The following SLC4A8 variants were observed in gnomAD, a reference collection of about 807,000 sequenced individuals.
SLC4A8 encodes solute carrier family 4 member 8.
A neutral mutation model predicts 125.0 loss-of-function variants in SLC4A8; 40 were observed. The observed-to-expected ratio is 0.32, with a 90% CI of 0.25 to 0.42. SLC4A8 has a LOEUF of 0.42. SLC4A8 is among the 10% of genes least tolerant of loss of function. SLC4A8 has a pLI of 1.00. For missense variants in SLC4A8, 863 were observed against 1,355.1 expected (o/e 0.64, Z 5.70); for synonymous variants, 456 against 476.0 (o/e 0.96, Z 0.55).
At chr12:51,431,229 A>AT (rs1739131499) in intron 1 of SLC4A8, among the ~76,000 whole-genome samples, 1 of 152,122 alleles carries the variant, frequency 6.6e-6, no homozygotes, top group Non-Finnish European at 1.5e-5. Flanking sequence ...GATCCTTGTT[A>AT]TTACACTGAG....
chr12:51,505,572 C>CT (rs1938131468), intron 23 of SLC4A8, among the ~76,000 whole-genome samples: 1 of 152,202 alleles, frequency 6.6e-6, no homozygotes, highest in African/African-American at 2.4e-5. Flanking sequence ...CGGAGGAGTG[C>CT]ACAGTTGTGG....
chr12:51,496,874 G>A lies in SLC4A8; in HGVS notation c.2944-113G>A. 4 of 971,948 alleles carry A rather than the reference G, an allele frequency of 4.1e-6. No homozygotes were observed. In the South Asian group the frequency reaches 4.7e-5, roughly 12 times the overall value. The allele number at this position is 971,948 out of a possible 1,614,324, so 60.2% of individuals were successfully genotyped here. ...AAATGGTGACTGTTAGGATTATTAT[G>A]AGTTTGATTTTGCTTGAAATGTCCT... is the stretch of plus-strand genomic sequence containing the variant. On this transcript the variant is annotated intron_variant, in intron 21 of 24. Transcript: ENST00000453097.
intron 19 of SLC4A8, among the ~76,000 whole-genome samples, chr12:51,493,450 G>A (rs1013859631): frequency 6.6e-6 from 1 of 152,072 alleles, no homozygotes. Flanking sequence ...GGAGGAGGAA[G>A]AGCCAGATGG....
Position 51,514,539 on chromosome 12 carries a change from C to T in SLC4A8, c.*7101C>T, listed in dbSNP as rs1398246204. 2 of 152,170 alleles carry T rather than the reference C, an allele frequency of 1.3e-5. No homozygotes were observed. Among genetic ancestry groups the T allele is most frequent in the Non-Finnish European group, 2.9e-5 (2 of 68,028 alleles). The allele number at this position is 152,170 out of a possible 1,614,324, so 9.4% of individuals were successfully genotyped here. ...GTGCTGAGAATGGTGAGGAGTTGGA[C>T]AGTCCCGGGGCTTTTTTGAAAGGGG... On this transcript the variant is annotated 3_prime_UTR_variant, in exon 25 of 25. Coordinates refer to ENST00000453097, the MANE Select transcript of SLC4A8 (RefSeq NM_001039960.3).
chr12:51,424,057 AAAAAACAAC>A (rs1172310936), upstream of SLC4A8, among the ~76,000 whole-genome samples: 1 of 58,744 alleles, frequency 1.7e-5, no homozygotes, highest in African/African-American at 5.5e-5. Flanking sequence ...AAAAAAACAA[AAAAAACAAC>A]AAAAAAAAAA....
chr12:51,468,311 G>C (rs997654309), intron 11 of SLC4A8, among the ~76,000 whole-genome samples: 10 of 152,162 alleles, frequency 6.6e-5, no homozygotes, highest in African/African-American at 2.4e-4. Context: ...CTCCTGATTA[G>C]CTCTTGAATC....
At chr12:51,406,200 C>A (rs1948484330) in intron 1 of SLC4A8, among the ~76,000 whole-genome samples, 1 of 152,220 alleles carries the variant, frequency 6.6e-6, no homozygotes, top group African/African-American at 2.4e-5. Flanking sequence ...GCTAGTCTTT[C>A]ACTCTCAGGA....
chr12:51,503,839 A>G (rs563189521), intron 22 of SLC4A8, among the ~76,000 whole-genome samples, 190 bp from the exon 23 acceptor site: 1 of 152,260 alleles, frequency 6.6e-6, no homozygotes, highest in Non-Finnish European at 1.5e-5. Flanking sequence ...TCTTTTTTGA[A>G]TGCCATTCCA....
chr12:51,396,778 G>C (rs1458865084), intron 1 of SLC4A8, among the ~76,000 whole-genome samples: 5 of 151,616 alleles, frequency 3.3e-5, no homozygotes, highest in African/African-American at 1.2e-4. Flanking sequence ...TGTATTTTTT[G>C]AATGGTTATT....
chr12:51,493,845 C>T, intron 20 of SLC4A8, 73 bp downstream of exon 20: 1 of 940,002 alleles, frequency 1.1e-6, no homozygotes, highest in Middle Eastern at 2.1e-4. Context: ...AGGGACAGCT[C>T]CCCAAGAGAA....
rs182530945 is a variant in SLC4A8, at chr12:51,427,961, T to G, written c.48+2926T>G. On this transcript the variant is annotated intron_variant, in intron 1 of 24. Coordinates refer to ENST00000453097, the MANE Select transcript of SLC4A8 (RefSeq NM_001039960.3). ...CTTTTAGAATAAAATCCAAACTCTT[T>G]ATCATGGCCTACCAAGCCTGAATAC... 2.0e-5 allele frequency among the ~76,000 whole-genome samples: 3 copies of G among 152,300 alleles called. No homozygotes were observed. In the East Asian group the frequency reaches 5.8e-4, roughly 29 times the overall value.
intron 17 of SLC4A8, among the ~76,000 whole-genome samples, chr12:51,486,787 C>T (rs994692449): frequency 3.9e-5 from 6 of 152,150 alleles, no homozygotes; most frequent in African/African-American, 1.2e-4. Flanking sequence ...TTCTCTCTAC[C>T]CATGAAGTAG....
intron 1 of SLC4A8, among the ~76,000 whole-genome samples, chr12:51,400,908 A>C (rs1008984423): frequency 1.3e-5 from 2 of 148,686 alleles, no homozygotes; most frequent in Admixed American, 6.7e-5. Flanking sequence ...ACAGGGTCTC[A>C]CTCTGTTGCC....
chr12:51,397,963 G>A (rs369381724), intron 1 of SLC4A8, among the ~76,000 whole-genome samples: 8 of 152,202 alleles, frequency 5.3e-5, no homozygotes, highest in African/African-American at 1.7e-4. Context: ...AGCTACTCGG[G>A]AGGAGGCTGA....
intron 1 of SLC4A8, among the ~76,000 whole-genome samples, chr12:51,402,543 G>A (rs1414724054): frequency 6.6e-6 from 1 of 152,108 alleles, no homozygotes; most frequent in African/African-American, 2.4e-5. Context: ...CCAACATGGT[G>A]AAACCCCGTC....
chr12:51,492,832 C>G (rs1232296896), intron 19 of SLC4A8, among the ~76,000 whole-genome samples: 1 of 151,830 alleles, frequency 6.6e-6, no homozygotes, highest in Non-Finnish European at 1.5e-5. Context: ...TAATGCTCTC[C>G]CTCCCCTTGC....
intron 1 of SLC4A8, among the ~76,000 whole-genome samples, chr12:51,406,511 A>T (rs1191917572): frequency 6.6e-6 from 1 of 152,038 alleles, no homozygotes; most frequent in Non-Finnish European, 1.5e-5. Context: ...TGGTGGCATG[A>T]AGAGGGGAGT....
intron 4 of SLC4A8, among the ~76,000 whole-genome samples, 166 bp downstream of exon 4, chr12:51,452,425 T>C (rs1203455914): frequency 6.6e-6 from 1 of 152,206 alleles, no homozygotes; most frequent in Non-Finnish European, 1.5e-5. Flanking sequence ...GTTGGCATCT[T>C]TATGATGTCT....
intron 1 of SLC4A8, among the ~76,000 whole-genome samples, chr12:51,435,311 C>T (rs1949367948): frequency 6.6e-6 from 1 of 152,122 alleles, no homozygotes; most frequent in Non-Finnish European, 1.5e-5. Context: ...TAGTCTCTCC[C>T]ATAATGAGAA....
Sources: allele counts gnomAD v4.1 joint callset (sites outside exome capture counted in the v4.1 genomes callset), GRCh38; gene constraint gnomAD v4.1.1; transcripts MANE v1.5; gene names NCBI Gene and HGNC (gene_info 2026-07-23, HGNC 2026-07-21).